MPDZ: variants seen among roughly 807,000 people sequenced by gnomAD.
The protein encoded by MPDZ is multiple PDZ domain crumbs cell polarity complex component.
In MPDZ, 234 loss-of-function variants were observed where a neutral mutation model predicts 239.1. The observed-to-expected ratio is 0.98, with a 90% CI of 0.88 to 1.09. The LOEUF is 1.09. Ranked by LOEUF, MPDZ falls within the 50% of genes least tolerant of loss-of-function variation. MPDZ has a pLI of 0.00. For synonymous variants in MPDZ, 1,048 were observed against 881.3 expected, an observed-to-expected ratio of 1.19 and a Z score of -3.35; for missense variants, 3,175 against 2,510.0, an observed-to-expected ratio of 1.26 and a Z score of -5.66.
Position 13,213,783 on chromosome 9 carries a change from T to C in MPDZ, c.1290+2991A>G, listed in dbSNP as rs1156491726. On this transcript the variant is annotated intron_variant, in intron 10 of 46. Coordinates refer to ENST00000319217, the MANE Select transcript of MPDZ (RefSeq NM_001378778.1). ...CTGACCTTGCCTAAGAGGAATTATATTTGAGATTCCACTTATATAAGAATG... is the reference window on the plus strand; with the variant it reads ...CTGACCTTGCCTAAGAGGAATTATACTTGAGATTCCACTTATATAAGAATG... Among the ~76,000 whole-genome samples, 3 of 152,044 alleles carry C rather than the reference T, an allele frequency of 2.0e-5. No individual in the cohort carries two copies. The East Asian group carries it at 5.8e-4, about 29-fold the overall frequency.
chr9:13,257,118 A>T (rs1282803665), intron 1 of MPDZ, among the ~76,000 whole-genome samples: 1 of 152,170 alleles, frequency 6.6e-6, no homozygotes, highest in Non-Finnish European at 1.5e-5. Flanking sequence ...TGGCCATATC[A>T]CTATTTGGTT....
At chr9:13,176,514 A>G in intron 19 of MPDZ, 97 bp from the exon 20 acceptor site, 1 of 995,620 alleles carries the variant, frequency 1.0e-6, no homozygotes, top group Non-Finnish European at 1.4e-6. Context: ...TATTTAGTGA[A>G]ATGTAAAACA....
chr9:13,259,125 A>C (rs1002043597), intron 1 of MPDZ, among the ~76,000 whole-genome samples: 16 of 152,194 alleles, frequency 1.1e-4, no homozygotes, highest in African/African-American at 3.9e-4. Context: ...TAGAAATAAC[A>C]ACATACAAAA....
At position 13,268,169 on chromosome 9, in the gene MPDZ, T is replaced by TATATATAC. The variant is rs766547201; in HGVS notation, c.-58+11230_-58+11231insGTATATAT. On this transcript the variant is annotated intron_variant, in intron 1 of 46. Coordinates refer to ENST00000319217, the MANE Select transcript of MPDZ (RefSeq NM_001378778.1). ...AAGGAAAATTATATATATATATATATACACACATAGAGAGAGAGAGATCTA... is the reference window on the plus strand; with the variant it reads ...AAGGAAAATTATATATATATATATATATATATACACACACATAGAGAGAGAGAGATCTA... Among the ~76,000 whole-genome samples, 199 of 150,946 alleles carry TATATATAC rather than the reference T, an allele frequency of 1.3e-3. 1 individual carries two copies. Among genetic ancestry groups the TATATATAC allele is most frequent in the African/African-American group, 4.6e-3 (189 of 41,344 alleles).
intron 32 of MPDZ, among the ~76,000 whole-genome samples, chr9:13,131,829 C>T (rs1216806529): frequency 6.6e-6 from 1 of 152,262 alleles, no homozygotes; most frequent in Middle Eastern, 3.4e-3. Context: ...GACCCCAGCT[C>T]CCTCAGTCTT....
At chr9:13,160,211 G>A (rs1369241696) in intron 23 of MPDZ, among the ~76,000 whole-genome samples, 1 of 152,056 alleles carries the variant, frequency 6.6e-6, no homozygotes, top group Non-Finnish European at 1.5e-5. Flanking sequence ...GCTTCCAATG[G>A]TAAGAACATG....
chr9:13,221,291 C>G (rs1935162090), intron 7 of MPDZ, 81 bp downstream of exon 7: 10 of 1,413,388 alleles, frequency 7.1e-6, no homozygotes, highest in Non-Finnish European at 9.3e-6. Flanking sequence ...GCCAAAGTTT[C>G]TTCTTTCCAA....
intron 3 of MPDZ, among the ~76,000 whole-genome samples, chr9:13,234,751 A>C (rs1182182563): frequency 1.3e-5 from 2 of 152,154 alleles, no homozygotes; most frequent in Non-Finnish European, 2.9e-5. Context: ...TATTGTAATG[A>C]GAAACAAGAA....
chr9:13,213,022 C>T (rs777124042), intron 10 of MPDZ, among the ~76,000 whole-genome samples: 2 of 151,898 alleles, frequency 1.3e-5, no homozygotes, highest in African/African-American at 4.8e-5. Context: ...CCAAAGGCAA[C>T]GTTTGACACT....
At chr9:13,269,612 A>G (rs1204823635) in intron 1 of MPDZ, among the ~76,000 whole-genome samples, 1 of 152,230 alleles carries the variant, frequency 6.6e-6, no homozygotes, top group Non-Finnish European at 1.5e-5. Flanking sequence ...TTAATTGAAC[A>G]TGCATACAAA....
intron 19 of MPDZ, among the ~76,000 whole-genome samples, chr9:13,180,384 G>A (rs954965386): frequency 2.0e-5 from 3 of 152,142 alleles, no homozygotes; most frequent in African/African-American, 7.2e-5. Context: ...TGATATTCAA[G>A]AACGAAGGAT....
chr9:13,112,292 T>A, intron 42 of MPDZ, 146 bp from the exon 43 acceptor site: 1 of 772,770 alleles, frequency 1.3e-6, no homozygotes, highest in African/African-American at 1.8e-5. Context: ...TGCATTACTT[T>A]ACTTGACACA....
intron 26 of MPDZ, among the ~76,000 whole-genome samples, chr9:13,143,846 T>C (rs1948079065): frequency 6.6e-6 from 1 of 152,130 alleles, no homozygotes; most frequent in Non-Finnish European, 1.5e-5. Context: ...TCTTCGGTAT[T>C]ACTAACAGAG....
At chr9:13,109,136 A>G in intron 45 of MPDZ, 77 bp from the exon 46 acceptor site, 1 of 1,103,856 alleles carries the variant, frequency 9.1e-7, no homozygotes. Context: ...ATTATCTGAC[A>G]TCCACCTAGA....
Position 13,188,897 on chromosome 9 carries a change from G to A in MPDZ, c.2251C>T (p.Leu751Phe), listed in dbSNP as rs754735073. 2 of 1,613,558 alleles carry A rather than the reference G, an allele frequency of 1.2e-6. No individual in the cohort carries two copies. Among genetic ancestry groups the A allele is most frequent in the South Asian group, 1.1e-5 (1 of 91,078 alleles). Residue 751 changes from leucine to phenylalanine, a missense_variant, in exon 17 of 47, where the codon CTC becomes TTC. By Grantham distance (22) the Leu-to-Phe change is conservative. Transcript: ENST00000319217. The stretch of plus-strand genomic sequence containing the variant: ...AAGTTAACATCGTTTACAAACATGA[G>A]TCGGTCACCAGGAAGAAGTCGTCCA... The part of the protein sequence containing the change: ...KDGRLLPGDR[L>F]MFVNDVNLEN...
intron 1 of MPDZ, among the ~76,000 whole-genome samples, chr9:13,264,497 A>G (rs1297609220): frequency 6.6e-6 from 1 of 152,156 alleles, no homozygotes; most frequent in Non-Finnish European, 1.5e-5. Context: ...TTACATAACA[A>G]ATCAGTGGTG....
intron 24 of MPDZ, among the ~76,000 whole-genome samples, chr9:13,153,366 C>G (rs1027618083): frequency 1.7e-4 from 26 of 152,028 alleles, no homozygotes; most frequent in Non-Finnish European, 1.3e-4. Context: ...AGTTAAAATC[C>G]CATTCATTGT....
At chr9:13,207,010 C>A (rs1957080319) in intron 10 of MPDZ, among the ~76,000 whole-genome samples, 1 of 151,974 alleles carries the variant, frequency 6.6e-6, no homozygotes, top group Admixed American at 6.6e-5. Context: ...TTTTATATTC[C>A]TCAGGTGATC....
chr9:13,252,140 C>G (rs929066449), intron 1 of MPDZ, among the ~76,000 whole-genome samples: 1 of 151,970 alleles, frequency 6.6e-6, no homozygotes, highest in Non-Finnish European at 1.5e-5. Context: ...TTCATGAGGC[C>G]TAATATAGGG....
Sources: gnomAD v4.1 joint callset for allele counts (sites outside exome capture counted in the v4.1 genomes callset) on GRCh38, gnomAD v4.1.1 for gene constraint, MANE v1.5 for transcripts, NCBI Gene and HGNC (gene_info 2026-07-23, HGNC 2026-07-21) for gene names.